The following CAMK4 variants were observed in gnomAD, a reference collection of about 807,000 sequenced individuals.
CAMK4 encodes the protein calcium/calmodulin dependent protein kinase IV, also known as calcium/calmodulin-dependent protein kinase type IV.
A neutral mutation model predicts 44.9 loss-of-function variants in CAMK4; 22 were observed. That is an observed-to-expected ratio of 0.49 (90% CI 0.35 to 0.70). The LOEUF is 0.70. Ranked by LOEUF, CAMK4 falls within the 30% of genes least tolerant of loss-of-function variation. The probability of loss-of-function intolerance (pLI) is 0.01; values close to 1 mark genes in which losing one functional copy is unlikely to be tolerated. For missense variants in CAMK4, 498 were observed against 586.8 expected, an observed-to-expected ratio of 0.85 and a Z score of 1.56; for synonymous variants, 218 against 215.4, an observed-to-expected ratio of 1.01 and a Z score of -0.11.
intron 5 of CAMK4, among the ~76,000 whole-genome samples, chr5:111,426,689 G>A (rs1268386764): frequency 6.6e-6 from 1 of 152,194 alleles, no homozygotes; most frequent in Non-Finnish European, 1.5e-5. Context: ...ATCTCTGGGT[G>A]CTGGGGGAGG....
chr5:111,396,631 C>CTTTTTTTTTTTTT lies in CAMK4; in HGVS notation c.459+1864_459+1876dup, dbSNP rs540495109. Among the ~76,000 whole-genome samples the CTTTTTTTTTTTTT allele has an allele frequency of 5.5e-3, 259 of 47,012 alleles. 67 individuals are homozygous for CTTTTTTTTTTTTT. The highest frequency in any genetic ancestry group is 0.014 in the East Asian group (18 of 1,278). 30.8% of individuals were successfully genotyped at this position (47,012 alleles called of 152,430 possible). On this transcript the variant is annotated intron_variant, in intron 5 of 10. Transcript: ENST00000282356. The stretch of plus-strand genomic sequence containing the variant: ...ACTTTAATTGCCATTAACTCATATT[C>CTTTTTTTTTTTTT]TTTTTTTTTTTTTTTTTTTTTTTTT...
At chr5:111,439,161 A>G (rs916683764) in intron 5 of CAMK4, among the ~76,000 whole-genome samples, 2 of 152,094 alleles carry the variant, frequency 1.3e-5, no homozygotes, top group Non-Finnish European at 2.9e-5. Context: ...ACACAATCAA[A>G]CACAACATTG....
rs1755703688 is a variant in CAMK4, at chr5:111,488,352, G to C, written c.*3886G>C. 2.0e-5 allele frequency: 3 copies of C among 152,142 alleles called. No homozygotes were observed. Among genetic ancestry groups the C allele is most frequent in the African/African-American group, 7.2e-5 (3 of 41,444 alleles). The allele number at this position is 152,142 out of a possible 1,614,324, so 9.4% of individuals were successfully genotyped here. On this transcript the variant is annotated 3_prime_UTR_variant, in exon 11 of 11. Coordinates refer to ENST00000282356, the MANE Select transcript of CAMK4 (RefSeq NM_001744.6). ...TTAATCAACACTGCCATTACACATG[G>C]ATTTAACAAAAGACTTTTGAAAATT... is the stretch of plus-strand genomic sequence containing the variant.
At chr5:111,271,616 G>A (rs989395869) in intron 1 of CAMK4, among the ~76,000 whole-genome samples, 3 of 152,162 alleles carry the variant, frequency 2.0e-5, no homozygotes, top group Admixed American at 2.0e-4. Context: ...TTAGGTGGGA[G>A]CATCTCTTAG....
At chr5:111,238,808 CT>C (rs57552178) in intron 1 of CAMK4, among the ~76,000 whole-genome samples, 3,145 of 45,882 alleles carry the variant, frequency 0.069, 147 homozygotes, top group Non-Finnish European at 0.1. Flanking sequence ...AGAGGCTCTT[CT>C]TTTTTTTTTT....
chr5:111,260,181 A>T (rs1038759680), intron 1 of CAMK4, among the ~76,000 whole-genome samples: 1 of 152,042 alleles, frequency 6.6e-6, no homozygotes, highest in African/African-American at 2.4e-5. Flanking sequence ...CATTGTCTTG[A>T]CTGTCTGGGT....
chr5:111,247,342 TAAAG>T (rs1231008200), intron 1 of CAMK4, among the ~76,000 whole-genome samples: 1 of 147,598 alleles, frequency 6.8e-6, no homozygotes, highest in African/African-American at 2.4e-5. Context: ...TATAAATTTA[TAAAG>T]AAATTTGTAA....
At chr5:111,354,269 T>C (rs1273426693) in intron 2 of CAMK4, among the ~76,000 whole-genome samples, 1 of 152,120 alleles carries the variant, frequency 6.6e-6, no homozygotes, top group Non-Finnish European at 1.5e-5. Context: ...GAAGGATGAT[T>C]ATCAGGGATT....
At chr5:111,263,545 A>G (rs1750089611) in intron 1 of CAMK4, among the ~76,000 whole-genome samples, 1 of 152,172 alleles carries the variant, frequency 6.6e-6, no homozygotes, top group Admixed American at 6.5e-5. Context: ...TGTCCATTTC[A>G]TCTCTACCCT....
chr5:111,474,306 TCA>T (rs1405468802), intron 8 of CAMK4, among the ~76,000 whole-genome samples: 2 of 152,246 alleles, frequency 1.3e-5, no homozygotes, highest in East Asian at 3.8e-4. Context: ...AGTTATTTTC[TCA>T]CAGTTTTCGG....
intron 1 of CAMK4, among the ~76,000 whole-genome samples, chr5:111,319,197 T>C (rs1349041285): frequency 1.3e-5 from 2 of 152,208 alleles, no homozygotes; most frequent in African/African-American, 4.8e-5. Context: ...GGGTCAGCTT[T>C]CTATTCTAGA....
Position 111,488,218 on chromosome 5 carries a change from C to T in CAMK4, c.*3752C>T, listed in dbSNP as rs1259308638. ...CTTTCTGGAAATCTAATGAACCATA[C>T]CAAATCTGCATGATGAAGATTGTGT... On this transcript the variant is annotated 3_prime_UTR_variant, in exon 11 of 11. Transcript: ENST00000282356. 1 of 152,174 alleles carries T rather than the reference C, an allele frequency of 6.6e-6. No homozygotes were observed. The highest frequency in any genetic ancestry group is 1.5e-5 in the Non-Finnish European group (1 of 68,038). The allele number at this position is 152,174 out of a possible 1,614,324, so 9.4% of individuals were successfully genotyped here.
At chr5:111,405,006 A>G (rs1752364691) in intron 5 of CAMK4, among the ~76,000 whole-genome samples, 1 of 152,198 alleles carries the variant, frequency 6.6e-6, no homozygotes, top group South Asian at 2.1e-4. Flanking sequence ...AGGTCAAGAA[A>G]TTCACCAATA....
intron 8 of CAMK4, among the ~76,000 whole-genome samples, chr5:111,477,075 G>A (rs2112493951): frequency 6.6e-6 from 1 of 152,304 alleles, no homozygotes; most frequent in East Asian, 1.9e-4. Context: ...AGCAGGGCAG[G>A]GCAGGCAAGG....
At chr5:111,443,047 G>GA (rs1030916202) in intron 5 of CAMK4, among the ~76,000 whole-genome samples, 4 of 149,018 alleles carry the variant, frequency 2.7e-5, no homozygotes, top group Non-Finnish European at 4.5e-5. Context: ...AAAGAGTGTT[G>GA]ATCTTTCTAA....
chr5:111,270,917 C>A (rs536571350), intron 1 of CAMK4, among the ~76,000 whole-genome samples: 1 of 152,176 alleles, frequency 6.6e-6, no homozygotes, highest in Admixed American at 6.5e-5. Context: ...TTTCACATGG[C>A]TGGGGAAGCC....
Position 111,294,432 on chromosome 5 carries a change from G to A in CAMK4, c.162-49592G>A, listed in dbSNP as rs141930203. 3.6e-3 allele frequency among the ~76,000 whole-genome samples: 541 copies of A among 152,222 alleles called. 5 individuals carry two copies. Among genetic ancestry groups the A allele is most frequent in the African/African-American group, 0.012 (500 of 41,546 alleles). ...CTGCATTAGGAATGTGCATATTTTT[G>A]TAATTTTCTTTTTTTACTAAATATT... On this transcript the variant is annotated intron_variant, in intron 1 of 10. Transcript: ENST00000282356.
At chr5:111,404,350 T>C (rs1457449324) in intron 5 of CAMK4, among the ~76,000 whole-genome samples, 4 of 152,172 alleles carry the variant, frequency 2.6e-5, no homozygotes, top group Non-Finnish European at 5.9e-5. Flanking sequence ...AACCAGTCCA[T>C]GGTCAGTTCT....
At chr5:111,411,137 C>G (rs1465346839) in intron 5 of CAMK4, among the ~76,000 whole-genome samples, 3 of 152,108 alleles carry the variant, frequency 2.0e-5, no homozygotes. Context: ...GATCCTAAGG[C>G]AAGACAGAAG....
Sources: gnomAD v4.1 joint callset for allele counts (sites outside exome capture counted in the v4.1 genomes callset) on GRCh38, gnomAD v4.1.1 for gene constraint, MANE v1.5 for transcripts, NCBI Gene and HGNC (gene_info 2026-07-23, HGNC 2026-07-21) for gene names.